CAMK4: variants seen among roughly 807,000 people sequenced by gnomAD.
The protein encoded by CAMK4 is calcium/calmodulin dependent protein kinase IV.
CAMK4 carries 22 observed loss-of-function variants against 44.9 expected under a neutral mutation model. The observed-to-expected ratio is 0.49, with a 90% confidence interval of 0.35 to 0.70. The LOEUF is 0.70. Among genes scored for constraint, CAMK4 ranks in the 30% least tolerant of loss-of-function variants. The pLI is 0.01. For missense variants in CAMK4, 498 were observed against 586.8 expected (o/e 0.85, Z 1.56); for synonymous variants, 218 against 215.4 (o/e 1.01, Z -0.11).
rs544249194 is a variant in CAMK4, at chr5:111,492,821, T to C, written c.*8355T>C. ...TGGAGAGAAAAGCCAACCTTATAGA[T>C]ACAACCTGTACATATATAACCTATG... On this transcript the variant is annotated 3_prime_UTR_variant, in exon 11 of 11. Coordinates refer to ENST00000282356, the MANE Select transcript of CAMK4 (RefSeq NM_001744.6). The C allele has an allele frequency of 1.3e-5, 2 of 152,208 alleles. No individual in the cohort carries two copies. The highest frequency in any genetic ancestry group is 2.9e-5 in the Non-Finnish European group (2 of 68,024). 9.4% of individuals were successfully genotyped at this position (152,208 alleles called of 1,614,324 possible). A position where few individuals can be genotyped will look rare whatever the true frequency, so the allele number is the denominator to read the frequency against.
intron 1 of CAMK4, among the ~76,000 whole-genome samples, chr5:111,228,162 A>C (rs1359208348): frequency 6.6e-6 from 1 of 152,234 alleles, no homozygotes; most frequent in Non-Finnish European, 1.5e-5. Context: ...GATGATAAGA[A>C]AACCAGATGT....
intron 1 of CAMK4, among the ~76,000 whole-genome samples, chr5:111,289,764 T>G (rs1751370196): frequency 1.3e-5 from 2 of 152,336 alleles, no homozygotes; most frequent in South Asian, 4.1e-4. Context: ...TCATTCACCA[T>G]TATCACAGTG....
chr5:111,309,027 G>T (rs979575899), intron 1 of CAMK4, among the ~76,000 whole-genome samples: 1 of 152,154 alleles, frequency 6.6e-6, no homozygotes, highest in Non-Finnish European at 1.5e-5. Context: ...ATCCGTGGTC[G>T]AGATGTGAGT....
chr5:111,445,239 G>A (rs1247482295), intron 5 of CAMK4, among the ~76,000 whole-genome samples: 1 of 152,008 alleles, frequency 6.6e-6, no homozygotes, highest in East Asian at 1.9e-4. Context: ...TATAATAAAA[G>A]ATGCAAGAAT....
intron 1 of CAMK4, among the ~76,000 whole-genome samples, chr5:111,243,308 C>T (rs1452213576): frequency 1.3e-5 from 2 of 152,176 alleles, no homozygotes; most frequent in African/African-American, 4.8e-5. Context: ...TGAAGATAGC[C>T]AGGGTGATCA....
chr5:111,333,270 G>A (rs191204817), intron 1 of CAMK4, among the ~76,000 whole-genome samples: 1 of 151,522 alleles, frequency 6.6e-6, no homozygotes, highest in Non-Finnish European at 1.5e-5. Context: ...AACATTAAAT[G>A]GTTGATCAAA....
intron 5 of CAMK4, among the ~76,000 whole-genome samples, chr5:111,437,246 A>G (rs921822865): frequency 2.0e-5 from 3 of 152,228 alleles, no homozygotes; most frequent in African/African-American, 7.2e-5. Context: ...TAAGCACAGC[A>G]TTTTCTATTT....
chr5:111,450,374 T>A (rs1022930658), intron 7 of CAMK4, among the ~76,000 whole-genome samples: 2 of 151,742 alleles, frequency 1.3e-5, no homozygotes, highest in Non-Finnish European at 2.9e-5. Context: ...ATGTCCTTTA[T>A]TTCAATTCAT....
intron 5 of CAMK4, among the ~76,000 whole-genome samples, chr5:111,402,379 A>G (rs1170950890): frequency 6.6e-6 from 1 of 152,250 alleles, no homozygotes. Context: ...CAAAATGTTC[A>G]TAGTCTACTA....
At chr5:111,273,909 T>A (rs976890740) in intron 1 of CAMK4, among the ~76,000 whole-genome samples, 2 of 151,736 alleles carry the variant, frequency 1.3e-5, no homozygotes, top group African/African-American at 2.4e-5. Flanking sequence ...CTGCAGGCTC[T>A]TTATATCAGG....
chr5:111,465,153 C>T (rs747941048), intron 7 of CAMK4, among the ~76,000 whole-genome samples: 27 of 152,102 alleles, frequency 1.8e-4, no homozygotes, highest in Non-Finnish European at 3.2e-4. Flanking sequence ...TTCTCTCTGG[C>T]CTACTAATGA....
At chr5:111,249,292 A>G (rs896852983) in intron 1 of CAMK4, among the ~76,000 whole-genome samples, 3 of 152,112 alleles carry the variant, frequency 2.0e-5, no homozygotes, top group Non-Finnish European at 4.4e-5. Flanking sequence ...AAGAACATAG[A>G]TGATCTGGAA....
At chr5:111,321,813 A>T (rs1339201382) in intron 1 of CAMK4, among the ~76,000 whole-genome samples, 1 of 152,196 alleles carries the variant, frequency 6.6e-6, no homozygotes, top group Non-Finnish European at 1.5e-5. Context: ...AGCTGCCTGG[A>T]ACACCAAAGG....
intron 7 of CAMK4, among the ~76,000 whole-genome samples, chr5:111,469,180 T>C (rs966562005): frequency 1.0e-4 from 7 of 67,940 alleles, no homozygotes; most frequent in African/African-American, 3.9e-4. Context: ...AAAATATATA[T>C]ATATATATAT....
intron 5 of CAMK4, among the ~76,000 whole-genome samples, chr5:111,418,949 T>C (rs1374259269): frequency 6.6e-6 from 1 of 152,128 alleles, no homozygotes; most frequent in East Asian, 1.9e-4. Flanking sequence ...GGCCTTTGGG[T>C]ATATACCCAG....
chr5:111,382,548 A>G (rs568221628), intron 4 of CAMK4, among the ~76,000 whole-genome samples: 1 of 152,308 alleles, frequency 6.6e-6, no homozygotes, highest in African/African-American at 2.4e-5. Flanking sequence ...AATGAGGAAC[A>G]TTTTTGAGAT....
intron 1 of CAMK4, among the ~76,000 whole-genome samples, chr5:111,310,132 A>AAT (rs1561401378): frequency 6.6e-6 from 1 of 151,874 alleles, no homozygotes; most frequent in Non-Finnish European, 1.5e-5. Context: ...TTTTGGGGGT[A>AAT]GAGTTGACTT....
chr5:111,464,646 G>C (rs1754760523), intron 7 of CAMK4, among the ~76,000 whole-genome samples: 1 of 151,960 alleles, frequency 6.6e-6, no homozygotes, highest in African/African-American at 2.4e-5. Flanking sequence ...AAGGATTACC[G>C]TTACATTAAA....
Position 111,410,392 on chromosome 5 carries a change from T to A in CAMK4, c.459+15610T>A, listed in dbSNP as rs79998226. On this transcript the variant is annotated intron_variant, in intron 5 of 10. Coordinates refer to ENST00000282356, the MANE Select transcript of CAMK4 (RefSeq NM_001744.6). ...ACAGTATGGGGAACTGCCCCCAAGA[T>A]TCAATTATCTCCACCTAGTCCCACC... Among the ~76,000 whole-genome samples, 768 of 152,254 alleles carry A rather than the reference T, an allele frequency of 5.0e-3. 30 individuals are homozygous for A. The East Asian group carries it at 0.096, about 19-fold the overall frequency.
Sources: gnomAD v4.1 joint callset for allele counts (sites outside exome capture counted in the v4.1 genomes callset) on GRCh38, gnomAD v4.1.1 for gene constraint, MANE v1.5 for transcripts, NCBI Gene and HGNC (gene_info 2026-07-23, HGNC 2026-07-21) for gene names.